The following C4orf51 variants were observed in gnomAD, a reference collection of about 807,000 sequenced individuals.
C4orf51 encodes chromosome 4 open reading frame 51, also known as uncharacterized protein C4orf51.
Under a neutral mutation model 25.2 loss-of-function variants are expected in C4orf51, and 25 were observed. That is an observed-to-expected ratio of 0.99 (90% CI 0.72 to 1.39). C4orf51 has a LOEUF of 1.39. C4orf51 is among the 40% of genes most tolerant of loss of function. The pLI is 0.00. For synonymous variants in C4orf51, 100 were observed against 84.5 expected, an observed-to-expected ratio of 1.18 and a Z score of -1.01; for missense variants, 252 against 239.6, an observed-to-expected ratio of 1.05 and a Z score of -0.34.
intron 5 of C4orf51, among the ~76,000 whole-genome samples, chr4:145,731,102 G>C (rs1196611087): frequency 1.3e-5 from 2 of 152,174 alleles, no homozygotes; most frequent in African/African-American, 4.8e-5. Context: ...TTCACTGTAG[G>C]GTTGATGCCT....
intron 2 of C4orf51, among the ~76,000 whole-genome samples, chr4:145,699,418 C>T (rs574212570): frequency 7.2e-5 from 11 of 151,808 alleles, no homozygotes; most frequent in East Asian, 3.9e-4. Flanking sequence ...ATTTCAAATC[C>T]GGTAAGCGGC....
At chr4:145,773,073 G>T (rs532397755), downstream of C4orf51, among the ~76,000 whole-genome samples, 1 of 152,224 alleles carries the variant, frequency 6.6e-6, no homozygotes, top group East Asian at 1.9e-4. Flanking sequence ...GTATACTTTG[G>T]AGTAAAGAGG....
intron 5 of C4orf51, 90 bp from the exon 6 acceptor site, chr4:145,732,363 G>C: frequency 1.3e-6 from 1 of 752,202 alleles, no homozygotes; most frequent in African/African-American, 1.7e-5. Flanking sequence ...AATGATGTCT[G>C]GTTTGGAAGA....
chr4:145,742,532 G>GT (rs141147414), intron 1 of C4orf51, among the ~76,000 whole-genome samples: 10,543 of 103,792 alleles, frequency 0.1, 1,172 homozygotes, highest in African/African-American at 0.13. Context: ...TCTTTTTCTT[G>GT]TTTTTTTTTT....
In C4orf51 at chr4:145,761,407, T is replaced by C; in HGVS notation, n.167-9581T>C. 7.8e-7 allele frequency: 1 copy of C among 1,289,894 alleles called. No individual in the cohort carries two copies. Among genetic ancestry groups the C allele is most frequent in the Non-Finnish European group, 1.0e-6 (1 of 988,876 alleles). 79.9% of individuals were successfully genotyped at this position (1,289,894 alleles called of 1,614,324 possible). A position where few individuals can be genotyped will look rare whatever the true frequency, so the allele number is the denominator to read the frequency against. ...GTGCTCGATGAGCTTGTTGGCGGTCTTGGACAGGTAGCCGCACTGGTCGCA... is the reference window on the plus strand; with the variant it reads ...GTGCTCGATGAGCTTGTTGGCGGTCCTGGACAGGTAGCCGCACTGGTCGCA... On this transcript the variant is annotated intron_variant and non_coding_transcript_variant, in intron 1 of 1. Transcript: ENST00000510096. This position sits in a 1 kb window ranked among gnomAD's most constrained non-coding sequence, Gnocchi z 6.8.
At chr4:145,694,087 G>A (rs1400746857) in intron 1 of C4orf51, among the ~76,000 whole-genome samples, 1 of 145,018 alleles carries the variant, frequency 6.9e-6, no homozygotes, top group Non-Finnish European at 1.5e-5. Context: ...GGGCAGAGGC[G>A]CTCCTCACAT....
At chr4:145,776,371 G>C in the C4orf51 span, among the ~76,000 whole-genome samples, 1 of 151,866 alleles carries the variant, frequency 6.6e-6, no homozygotes, top group Non-Finnish European at 1.5e-5. Flanking sequence ...GGAGGTGGGA[G>C]GATTGCTTGA....
At chr4:145,697,047 A>ACCAACC (rs35877665) in intron 2 of C4orf51, among the ~76,000 whole-genome samples, 1 of 150,048 alleles carries the variant, frequency 6.7e-6, no homozygotes, top group African/African-American at 2.5e-5. Flanking sequence ...AAACAAAACA[A>ACCAACC]AACCAACCAA....
downstream of C4orf51, among the ~76,000 whole-genome samples, chr4:145,775,283 A>G (rs1303544789): frequency 6.6e-6 from 1 of 152,230 alleles, no homozygotes; most frequent in Admixed American, 6.5e-5. Flanking sequence ...TGGGGGTTTT[A>G]TGGCAATCAA....
intron 2 of C4orf51, among the ~76,000 whole-genome samples, chr4:145,726,260 GAGTCA>G (rs1732048809): frequency 6.6e-6 from 1 of 152,184 alleles, no homozygotes; most frequent in Non-Finnish European, 1.5e-5. Flanking sequence ...TGTAATGAGT[GAGTCA>G]GGGTAACTGG....
intron 2 of C4orf51, among the ~76,000 whole-genome samples, chr4:145,715,936 T>C (rs1213432457): frequency 6.6e-6 from 1 of 152,134 alleles, no homozygotes; most frequent in Non-Finnish European, 1.5e-5. Flanking sequence ...CTGGGTGATA[T>C]AATCTGAGCT....
downstream of C4orf51, among the ~76,000 whole-genome samples, chr4:145,755,094 G>A (rs1331847801): frequency 6.6e-6 from 1 of 152,192 alleles, no homozygotes; most frequent in Non-Finnish European, 1.5e-5. Context: ...ATTCTGCCTT[G>A]CAACCATCTC....
At chr4:145,773,634 T>C (rs1294959484), downstream of C4orf51, among the ~76,000 whole-genome samples, 1 of 152,214 alleles carries the variant, frequency 6.6e-6, no homozygotes, top group African/African-American at 2.4e-5. Context: ...GAGAGTATAA[T>C]TGCATGGTGA....
intron 1 of C4orf51, among the ~76,000 whole-genome samples, chr4:145,689,193 C>A (rs1414547543): frequency 6.6e-6 from 1 of 152,136 alleles, no homozygotes; most frequent in East Asian, 1.9e-4. Context: ...TGGAGAATAT[C>A]TTGATGATTT....
At position 145,732,742 on chromosome 4, in the gene C4orf51, G is replaced by T; in HGVS notation, c.*182G>T. On this transcript the variant is annotated 3_prime_UTR_variant, in exon 6 of 6. Coordinates refer to ENST00000438731, the MANE Select transcript of C4orf51 (RefSeq NM_001080531.3). ...TTATCAGTTTTTTCCCTTTTTAATT[G>T]GTGGAGAGAGACAAAAGTTTTTATA... The T allele has an allele frequency of 2.2e-6, 1 of 457,124 alleles. No homozygotes were observed. The highest frequency in any genetic ancestry group is 3.8e-6 in the Non-Finnish European group (1 of 260,728). 28.3% of individuals were successfully genotyped at this position (457,124 alleles called of 1,614,324 possible). A position where few individuals can be genotyped will look rare whatever the true frequency, so the allele number is the denominator to read the frequency against.
chr4:145,690,465 C>T (rs1397440283), intron 1 of C4orf51, among the ~76,000 whole-genome samples: 1 of 152,044 alleles, frequency 6.6e-6, no homozygotes, highest in Non-Finnish European at 1.5e-5. Flanking sequence ...GATGGCGCCA[C>T]TGCACTCCAG....
chr4:145,776,468 A>AAG, the C4orf51 span, among the ~76,000 whole-genome samples: 1 of 137,054 alleles, frequency 7.3e-6, no homozygotes, highest in African/African-American at 2.8e-5. Flanking sequence ...TTCAAAAAAA[A>AAG]GAAAAAAAAA....
intron 1 of C4orf51, among the ~76,000 whole-genome samples, chr4:145,691,242 G>C (rs1729541970): frequency 6.6e-6 from 1 of 152,172 alleles, no homozygotes; most frequent in African/African-American, 2.4e-5. Flanking sequence ...ACCACAATGA[G>C]ATACCATCTC....
At chr4:145,759,121 C>T (rs973611371), downstream of C4orf51, 2 of 152,312 alleles carry the variant, frequency 1.3e-5, no homozygotes, top group South Asian at 2.1e-4. Context: ...TCCTCCTGTA[C>T]ACCAGTTCTC....
Sources: gnomAD v4.1 joint callset for allele counts (sites outside exome capture counted in the v4.1 genomes callset) on GRCh38, gnomAD v4.1.1 for gene constraint, Gnocchi (gnomAD v3.1) non-coding constraint, MANE v1.5 for transcripts, NCBI Gene and HGNC (gene_info 2026-07-23, HGNC 2026-07-21) for gene names.